The following AKAP6 variants were observed in gnomAD, a reference collection of about 807,000 sequenced individuals.
AKAP6 encodes the protein A-kinase anchor protein 6.
In AKAP6, 58 loss-of-function variants were observed where a neutral mutation model predicts 188.5. The observed-to-expected ratio is 0.31, with a 90% CI of 0.25 to 0.38. The LOEUF (loss-of-function observed/expected upper bound fraction) is 0.38, where lower values mean the gene tolerates loss of function less well. AKAP6 is among the 10% of genes least tolerant of loss of function. AKAP6 has a pLI of 1.00. For missense variants in AKAP6, 2,710 were observed against 2,740.0 expected (o/e 0.99, Z 0.24); for synonymous variants, 989 against 998.6 (o/e 0.99, Z 0.18).
At chr14:32,656,617 G>A (rs189281540) in intron 7 of AKAP6, among the ~76,000 whole-genome samples, 3 of 152,250 alleles carry the variant, frequency 2.0e-5, no homozygotes, top group Admixed American at 2.0e-4. Flanking sequence ...TAGAATGAAG[G>A]GGAATACATA....
chr14:32,543,289 A>G (rs955204926), intron 3 of AKAP6, among the ~76,000 whole-genome samples: 2 of 152,206 alleles, frequency 1.3e-5, no homozygotes, highest in Admixed American at 1.3e-4. Context: ...GAGTGAGAAC[A>G]TGTGGTATTT....
intron 2 of AKAP6, among the ~76,000 whole-genome samples, chr14:32,483,172 G>A (rs943829344): frequency 2.0e-5 from 3 of 152,044 alleles, no homozygotes; most frequent in South Asian, 2.1e-4. Context: ...TGGTATTTCA[G>A]TGTGATTTAA....
chr14:32,663,184 A>G (rs1461346881), intron 7 of AKAP6, among the ~76,000 whole-genome samples: 1 of 152,084 alleles, frequency 6.6e-6, no homozygotes, highest in Non-Finnish European at 1.5e-5. Context: ...TGTCCTTTTG[A>G]CAGATCCCTA....
intron 1 of AKAP6, among the ~76,000 whole-genome samples, chr14:32,406,800 T>G (rs1032955681): frequency 2.0e-5 from 3 of 152,170 alleles, no homozygotes; most frequent in African/African-American, 7.2e-5. Flanking sequence ...ACTTTCCAAG[T>G]CATTCCTTAT....
intron 8 of AKAP6, among the ~76,000 whole-genome samples, chr14:32,687,890 A>G (rs947512035): frequency 5.9e-4 from 90 of 152,108 alleles, no homozygotes; most frequent in African/African-American, 2.1e-3. Flanking sequence ...TAAAACAAAC[A>G]AAAAAATCTT....
At position 32,430,445 on chromosome 14, in the gene AKAP6, A is replaced by C. The variant is rs540677250; in HGVS notation, c.-34-3015A>C. Among the ~76,000 whole-genome samples, 3 of 152,304 alleles carry C rather than the reference A, an allele frequency of 2.0e-5. No homozygotes were observed. The South Asian group carries it at 6.2e-4, about 32-fold the overall frequency. ...TTTAGTGTGTTTTTTAGTTTACGGT[A>C]GGATGTGTATTCCCAAGAAGGCCCT... On this transcript the variant is annotated intron_variant, in intron 1 of 13. Transcript: ENST00000280979.
At chr14:32,693,479 C>T (rs1011472999) in intron 8 of AKAP6, 1 of 152,192 alleles carries the variant, frequency 6.6e-6, no homozygotes, top group African/African-American at 2.4e-5. Flanking sequence ...AACCGAAGAT[C>T]TCTCTCTGTC....
In AKAP6 at chr14:32,823,192, A is replaced by G. The variant is rs1838173722; in HGVS notation, c.5379A>G (p.Ser1793=). The G allele has an allele frequency of 6.2e-6, 10 of 1,613,812 alleles. No individual in the cohort carries two copies. The highest frequency in any genetic ancestry group is 8.5e-6 in the Non-Finnish European group (10 of 1,179,874). The part of the protein sequence containing the change: ...DEIYEDCTLM[S]GLDYIKNELQ... The stretch of plus-strand genomic sequence containing the variant: ...TTTATGAAGACTGCACCTTGATGTC[A>G]GGGCTAGACTACATAAAGAATGAAT... The change falls in exon 13 of 14, where the codon TCA becomes TCG. Residue 1793 remains serine, a synonymous_variant. Transcript: ENST00000280979.
At chr14:32,552,378 A>G (rs770596310) in intron 4 of AKAP6, among the ~76,000 whole-genome samples, 55 of 152,332 alleles carry the variant, frequency 3.6e-4, no homozygotes, top group Middle Eastern at 3.4e-3. Context: ...CTCAGTTATG[A>G]GACAGGAACA....
In AKAP6 at chr14:32,454,410, T is replaced by C. The variant is rs546938895; in HGVS notation, c.324+20593T>C. ...ACCGATGAGAATGCTTGTCCTTCTA[T>C]AGCAAGGCTCGCAAGGTTTCTGGGC... On this transcript the variant is annotated intron_variant, in intron 2 of 13. Coordinates refer to ENST00000280979, the MANE Select transcript of AKAP6 (RefSeq NM_004274.5). Among the ~76,000 whole-genome samples the C allele has an allele frequency of 1.2e-4, 18 of 152,268 alleles. No individual in the cohort carries two copies. In the East Asian group the frequency reaches 3.1e-3, roughly 26 times the overall value.
chr14:32,540,131 G>GCTCTCTCTCTCTCTCT (rs1216788649), intron 3 of AKAP6, among the ~76,000 whole-genome samples: 27 of 66,476 alleles, frequency 4.1e-4, no homozygotes, highest in African/African-American at 2.1e-3. Flanking sequence ...TTGCTCGTGC[G>GCTCTCTCTCTCTCTCT]CTCTCTCTCT....
intron 2 of AKAP6, among the ~76,000 whole-genome samples, chr14:32,464,639 A>G (rs1030999919): frequency 1.3e-5 from 2 of 152,226 alleles, no homozygotes; most frequent in African/African-American, 4.8e-5. Flanking sequence ...AACCAACATC[A>G]TACTGAATGG....
At chr14:32,750,490 A>C (rs1188045755) in intron 11 of AKAP6, among the ~76,000 whole-genome samples, 1 of 152,032 alleles carries the variant, frequency 6.6e-6, no homozygotes, top group Non-Finnish European at 1.5e-5. Flanking sequence ...CGGAGACCAA[A>C]GCAGTAGGAT....
chr14:32,337,924 G>T (rs112622419), intron 1 of AKAP6, among the ~76,000 whole-genome samples: 4 of 152,074 alleles, frequency 2.6e-5, no homozygotes, highest in Admixed American at 1.3e-4. Flanking sequence ...GGAGGCTGAG[G>T]GGGGAGGATT....
At chr14:32,793,886 C>T (rs118064775) in intron 12 of AKAP6, among the ~76,000 whole-genome samples, 1,833 of 152,160 alleles carry the variant, frequency 0.012, 58 homozygotes, top group South Asian at 0.11. Flanking sequence ...GACTCAAACT[C>T]CCACACAATA....
At chr14:32,538,996 C>T (rs1218246872) in intron 3 of AKAP6, among the ~76,000 whole-genome samples, 1 of 151,978 alleles carries the variant, frequency 6.6e-6, no homozygotes, top group African/African-American at 2.4e-5. Flanking sequence ...GCCTTTCTTC[C>T]TTCTATCTTC....
rs556942585 is a variant in AKAP6 at position 32,516,335 on chromosome 14, G to A, written c.325-19219G>A. ...TTTTTCCTTCTGGATGGACCTTGAAGATGGTAAAGGAACTTATAAATTCCC... is the reference window on the plus strand; with the variant it reads ...TTTTTCCTTCTGGATGGACCTTGAAAATGGTAAAGGAACTTATAAATTCCC... On this transcript the variant is annotated intron_variant, in intron 2 of 13. Transcript: ENST00000280979. Among the ~76,000 whole-genome samples the A allele has an allele frequency of 8.5e-4, 129 of 152,228 alleles. 1 individual carries two copies. The highest frequency in any genetic ancestry group is 2.9e-3 in the African/African-American group (120 of 41,552).
At chr14:32,828,930 T>C (rs543166830) in intron 13 of AKAP6, among the ~76,000 whole-genome samples, 3 of 152,322 alleles carry the variant, frequency 2.0e-5, no homozygotes, top group Non-Finnish European at 2.9e-5. Flanking sequence ...AGTTGAAAGA[T>C]TGTAGAAAAA....
intron 9 of AKAP6, among the ~76,000 whole-genome samples, chr14:32,711,619 G>A (rs1459683056): frequency 2.6e-5 from 4 of 152,118 alleles, no homozygotes; most frequent in East Asian, 1.9e-4. Flanking sequence ...AGCTTCCTCA[G>A]GAAAAGACAA....
Sources: allele counts gnomAD v4.1 joint callset (sites outside exome capture counted in the v4.1 genomes callset), GRCh38; gene constraint gnomAD v4.1.1; transcripts MANE v1.5; gene names NCBI Gene and HGNC (gene_info 2026-07-23, HGNC 2026-07-21).